The following ULK4 variants were observed in gnomAD, a reference collection of about 807,000 sequenced individuals.
ULK4 encodes unc-51 like kinase 4.
In ULK4, 133 loss-of-function variants were observed where a neutral mutation model predicts 160.6. The observed-to-expected ratio is 0.83, with a 90% CI of 0.72 to 0.96. The LOEUF (loss-of-function observed/expected upper bound fraction) is 0.96. Ranked by LOEUF, ULK4 falls within the 40% of genes least tolerant of loss-of-function variation. The pLI is 0.00. For synonymous variants in ULK4, 534 were observed against 539.8 expected, an observed-to-expected ratio of 0.99 and a Z score of 0.15; for missense variants, 1,580 against 1,499.5, an observed-to-expected ratio of 1.05 and a Z score of -0.89.
chr3:41,650,007 C>A (rs912014083), intron 30 of ULK4, among the ~76,000 whole-genome samples: 5 of 152,164 alleles, frequency 3.3e-5, no homozygotes, highest in Non-Finnish European at 5.9e-5. Context: ...AGGGAAGGAG[C>A]TACCCACTTT....
At chr3:41,651,965 C>T (rs1207351165) in intron 30 of ULK4, among the ~76,000 whole-genome samples, 1 of 152,140 alleles carries the variant, frequency 6.6e-6, no homozygotes, top group African/African-American at 2.4e-5. Context: ...GAAAAGCTAT[C>T]ACTGAACCCA....
intron 35 of ULK4, among the ~76,000 whole-genome samples, chr3:41,326,562 A>G (rs955703370): frequency 1.3e-5 from 2 of 152,160 alleles, no homozygotes; most frequent in African/African-American, 2.4e-5. Context: ...GGCAGACTTC[A>G]GGGAAAAGAA....
chr3:41,754,253 TC>T, intron 22 of ULK4, 107 bp downstream of exon 22: 3 of 1,298,686 alleles, frequency 2.3e-6, no homozygotes, highest in Non-Finnish European at 3.1e-6. Flanking sequence ...CTGGAAAAAC[TC>T]TTAAAAAAAA....
chr3:41,840,969 C>T (rs2041902467), intron 17 of ULK4, among the ~76,000 whole-genome samples: 1 of 149,734 alleles, frequency 6.7e-6, no homozygotes, highest in Non-Finnish European at 1.5e-5. Flanking sequence ...AAGTGAGGAG[C>T]GCCTCTGCCC....
intron 31 of ULK4, among the ~76,000 whole-genome samples, chr3:41,572,455 G>A (rs1445441133): frequency 6.6e-6 from 1 of 152,016 alleles, no homozygotes; most frequent in Non-Finnish European, 1.5e-5. Flanking sequence ...CTTCAAAAGA[G>A]CCCTCAATGT....
intron 32 of ULK4, among the ~76,000 whole-genome samples, chr3:41,490,467 C>T (rs1288560368): frequency 6.6e-6 from 1 of 152,196 alleles, no homozygotes; most frequent in African/African-American, 2.4e-5. Flanking sequence ...TGCCTTCTTA[C>T]ATTACTGACA....
intron 35 of ULK4, among the ~76,000 whole-genome samples, chr3:41,368,051 A>AT (rs201490582): frequency 8.2e-4 from 118 of 143,808 alleles, no homozygotes; most frequent in Admixed American, 1.5e-3. Context: ...TTGTGTCGCA[A>AT]TTTTTTTTTT....
At chr3:41,499,457 T>A (rs550579390) in intron 32 of ULK4, among the ~76,000 whole-genome samples, 1 of 152,192 alleles carries the variant, frequency 6.6e-6, no homozygotes, top group African/African-American at 2.4e-5. Context: ...GCTTCTTTCC[T>A]ATGTGTAGAG....
chr3:41,486,128 C>T (rs569005810), intron 32 of ULK4, among the ~76,000 whole-genome samples: 2 of 152,022 alleles, frequency 1.3e-5, no homozygotes, highest in African/African-American at 2.4e-5. Flanking sequence ...AGCATGTGCA[C>T]GTATCTCATG....
intron 30 of ULK4, among the ~76,000 whole-genome samples, chr3:41,649,284 G>C (rs2034639119): frequency 6.6e-6 from 1 of 152,172 alleles, no homozygotes; most frequent in Non-Finnish European, 1.5e-5. Flanking sequence ...CTGTAGTGGG[G>C]GAGGTGTGGC....
chr3:41,476,525 T>C (rs2084149077), intron 32 of ULK4, among the ~76,000 whole-genome samples: 1 of 152,200 alleles, frequency 6.6e-6, no homozygotes, highest in Non-Finnish European at 1.5e-5. Flanking sequence ...TGTGTGGCTC[T>C]TTCTGTCTTC....
chr3:41,900,257 C>T (rs1040863376), intron 13 of ULK4, among the ~76,000 whole-genome samples: 1 of 150,642 alleles, frequency 6.6e-6, no homozygotes, highest in African/African-American at 2.5e-5. Flanking sequence ...GTCTTAACAA[C>T]CTGTGAGAGG....
At chr3:41,805,879 G>T (rs1054736068) in intron 19 of ULK4, among the ~76,000 whole-genome samples, 1 of 146,226 alleles carries the variant, frequency 6.8e-6, no homozygotes, top group Admixed American at 6.8e-5. Flanking sequence ...TGCTGGATTT[G>T]GTTTGCCAGT....
intron 34 of ULK4, among the ~76,000 whole-genome samples, chr3:41,421,813 T>C (rs904843049): frequency 2.0e-5 from 3 of 152,158 alleles, no homozygotes; most frequent in Non-Finnish European, 1.5e-5. Context: ...ACACTCCAAA[T>C]CATTTAGATA....
chr3:41,447,616 AG>A (rs1282537662), intron 34 of ULK4, among the ~76,000 whole-genome samples: 1 of 152,166 alleles, frequency 6.6e-6, no homozygotes, highest in Non-Finnish European at 1.5e-5. Context: ...CTGTTAGAAA[AG>A]GGTAATGATG....
intron 3 of ULK4, 154 bp downstream of exon 3, chr3:41,937,944 T>C: frequency 2.2e-6 from 1 of 461,530 alleles, no homozygotes; most frequent in Non-Finnish European, 3.6e-6. Context: ...ATTCTTCTTT[T>C]TCCCAAATGT....
intron 2 of ULK4, among the ~76,000 whole-genome samples, chr3:41,941,971 A>G (rs956220734): frequency 6.6e-6 from 1 of 151,892 alleles, no homozygotes; most frequent in East Asian, 1.9e-4. Context: ...ACTCCTCATC[A>G]TTCAACATAC....
chr3:41,484,092 C>G (rs1395849892), intron 32 of ULK4, among the ~76,000 whole-genome samples: 1 of 152,108 alleles, frequency 6.6e-6, no homozygotes, highest in Non-Finnish European at 1.5e-5. Flanking sequence ...TTTCTTTAAC[C>G]TAGTCTGTTG....
intron 33 of ULK4, among the ~76,000 whole-genome samples, chr3:41,457,475 A>G (rs2083581979): frequency 6.6e-6 from 1 of 152,198 alleles, no homozygotes; most frequent in Non-Finnish European, 1.5e-5. Flanking sequence ...TTTGCACAAC[A>G]GAGAGGTGGC....
Sources: allele counts gnomAD v4.1 joint callset (sites outside exome capture counted in the v4.1 genomes callset), GRCh38; gene constraint gnomAD v4.1.1; transcripts MANE v1.5; gene names NCBI Gene and HGNC (gene_info 2026-07-23, HGNC 2026-07-21).